The following COL8A1 variants were observed in gnomAD, a reference collection of about 807,000 sequenced individuals.
The protein encoded by COL8A1 is collagen alpha-1(VIII) chain.
Under a neutral mutation model 42.7 loss-of-function variants are expected in COL8A1, and 21 were observed. That is an observed-to-expected ratio of 0.49 (90% CI 0.35 to 0.71). COL8A1 has a LOEUF of 0.71. Ranked by LOEUF, COL8A1 falls within the 30% of genes least tolerant of loss-of-function variation. The pLI is 0.01. For missense variants in COL8A1, 788 were observed against 962.4 expected, an observed-to-expected ratio of 0.82 and a Z score of 2.40; for synonymous variants, 367 against 369.1, an observed-to-expected ratio of 0.99 and a Z score of 0.06.
At chr3:99,675,975 A>G (rs1374906713) in intron 1 of COL8A1, among the ~76,000 whole-genome samples, 2 of 152,142 alleles carry the variant, frequency 1.3e-5, no homozygotes, top group African/African-American at 4.8e-5. Flanking sequence ...AAAAGAATGA[A>G]TAATCATATC....
Position 99,669,976 on chromosome 3 carries a change from A to C in COL8A1, c.-129+31312A>C, listed in dbSNP as rs115295330. 3.2e-3 allele frequency among the ~76,000 whole-genome samples: 483 copies of C among 152,140 alleles called. 2 individuals are homozygous for C. The highest frequency in any genetic ancestry group is 0.011 in the African/African-American group (452 of 41,548). ...ATGTTTTCTAGAGCCTTCTTGAACT[A>C]CAAAATTCTGTATAATTTCTGACTC... is the stretch of plus-strand genomic sequence containing the variant. On this transcript the variant is annotated intron_variant, in intron 1 of 3. Coordinates refer to ENST00000652472, the MANE Select transcript of COL8A1 (RefSeq NM_020351.4).
chr3:99,669,146 T>TATAGAGAGAGAGAG, intron 1 of COL8A1, among the ~76,000 whole-genome samples: 1 of 115,362 alleles, frequency 8.7e-6, no homozygotes, highest in African/African-American at 3.0e-5. Flanking sequence ...TATATATATA[T>TATAGAGAGAGAGAG]AGAGGGAGAG....
chr3:99,657,757 A>T (rs1430759881), intron 1 of COL8A1, among the ~76,000 whole-genome samples: 1 of 151,800 alleles, frequency 6.6e-6, no homozygotes, highest in Admixed American at 6.6e-5. Flanking sequence ...TGGAGACTTT[A>T]CTCTTAATTG....
chr3:99,777,475 A>G (rs1941715701), intron 2 of COL8A1, among the ~76,000 whole-genome samples: 1 of 152,150 alleles, frequency 6.6e-6, no homozygotes, highest in South Asian at 2.1e-4. Context: ...ACCAATCCTT[A>G]ATCTGTTTGC....
chr3:99,658,548 C>G (rs975103696), intron 1 of COL8A1, among the ~76,000 whole-genome samples: 3 of 152,180 alleles, frequency 2.0e-5, no homozygotes, highest in Non-Finnish European at 2.9e-5. Context: ...AAGTTACAGC[C>G]TGATTTGAGT....
chr3:99,737,900 T>A (rs1044079228), intron 1 of COL8A1, among the ~76,000 whole-genome samples: 4 of 151,348 alleles, frequency 2.6e-5, no homozygotes, highest in Non-Finnish European at 5.9e-5. Context: ...CATAGTCCCA[T>A]ATTTCTTGGA....
intron 1 of COL8A1, among the ~76,000 whole-genome samples, chr3:99,680,737 T>C (rs144159591): frequency 6.6e-6 from 1 of 152,322 alleles, no homozygotes; most frequent in East Asian, 1.9e-4. Flanking sequence ...TGCATTTCTG[T>C]ATACTATAAG....
chr3:99,700,831 C>T (rs1402451197), intron 1 of COL8A1, among the ~76,000 whole-genome samples: 1 of 152,196 alleles, frequency 6.6e-6, no homozygotes, highest in Admixed American at 6.5e-5. Flanking sequence ...TACATACACA[C>T]ACCCTGGCCA....
At chr3:99,744,475 C>T (rs1940979432) in intron 1 of COL8A1, among the ~76,000 whole-genome samples, 1 of 152,082 alleles carries the variant, frequency 6.6e-6, no homozygotes, top group Non-Finnish European at 1.5e-5. Context: ...TGATAAATAA[C>T]CAAGAATAAT....
chr3:99,768,984 A>G (rs562553607), intron 2 of COL8A1, among the ~76,000 whole-genome samples: 155 of 152,294 alleles, frequency 1.0e-3, no homozygotes, highest in African/African-American at 3.4e-3. Context: ...TGTTAACTCA[A>G]ATGAATCATA....
chr3:99,692,251 C>T (rs1282411051), intron 1 of COL8A1, among the ~76,000 whole-genome samples: 1 of 152,206 alleles, frequency 6.6e-6, no homozygotes, highest in Non-Finnish European at 1.5e-5. Context: ...TAATCAATAA[C>T]TCCTCAGCAA....
chr3:99,675,837 T>C (rs1326810459), intron 1 of COL8A1: 2 of 152,488 alleles, frequency 1.3e-5, no homozygotes, highest in Admixed American at 6.6e-5. Context: ...GAATAAATAC[T>C]CACACATTAG....
intron 1 of COL8A1, among the ~76,000 whole-genome samples, chr3:99,647,447 T>G (rs770479750): frequency 2.0e-5 from 3 of 152,076 alleles, no homozygotes; most frequent in African/African-American, 7.2e-5. Context: ...ATTACAATAA[T>G]AGCAAGAATG....
chr3:99,726,935 TC>T (rs1254153957), intron 1 of COL8A1, among the ~76,000 whole-genome samples: 1 of 152,154 alleles, frequency 6.6e-6, no homozygotes, highest in East Asian at 1.9e-4. Flanking sequence ...GTAGTTTTTT[TC>T]AAATTCTGTA....
chr3:99,690,931 T>C (rs1339237049), intron 1 of COL8A1, among the ~76,000 whole-genome samples: 1 of 152,210 alleles, frequency 6.6e-6, no homozygotes, highest in Non-Finnish European at 1.5e-5. Flanking sequence ...CTAATTTTCC[T>C]AACAACCACA....
chr3:99,644,507 A>G (rs1472914461), intron 1 of COL8A1, among the ~76,000 whole-genome samples: 6 of 152,352 alleles, frequency 3.9e-5, no homozygotes, highest in African/African-American at 1.2e-4. Flanking sequence ...GAATAAGCAG[A>G]CAGATGTTAG....
chr3:99,701,694 C>G (rs757481059), intron 1 of COL8A1, among the ~76,000 whole-genome samples: 1 of 152,176 alleles, frequency 6.6e-6, no homozygotes, highest in Non-Finnish European at 1.5e-5. Flanking sequence ...CAACTTCCAA[C>G]TTCTGGAGTT....
At chr3:99,653,389 G>A (rs917838093) in intron 1 of COL8A1, among the ~76,000 whole-genome samples, 1 of 151,842 alleles carries the variant, frequency 6.6e-6, no homozygotes, top group Non-Finnish European at 1.5e-5. Context: ...TTTGGTTTTG[G>A]TTTGGTTTGG....
chr3:99,712,977 G>T (rs1014471094), intron 1 of COL8A1, among the ~76,000 whole-genome samples: 2 of 152,130 alleles, frequency 1.3e-5, no homozygotes, highest in Non-Finnish European at 2.9e-5. Context: ...AGTAGAGAAA[G>T]GAAGGTTTTC....
Sources: gnomAD v4.1 joint callset for allele counts (sites outside exome capture counted in the v4.1 genomes callset) on GRCh38, gnomAD v4.1.1 for gene constraint, MANE v1.5 for transcripts, NCBI Gene and HGNC (gene_info 2026-07-23, HGNC 2026-07-21) for gene names.